AOPEP: variants seen among roughly 807,000 people sequenced by gnomAD.
AOPEP encodes aminopeptidase O.
A neutral mutation model predicts 98.1 loss-of-function variants in AOPEP; 77 were observed. The ratio of observed to expected loss-of-function variants is 0.78; its 90% confidence interval spans 0.65 to 0.95. The LOEUF (loss-of-function observed/expected upper bound fraction) is 0.95, where lower values mean the gene tolerates loss of function less well. Among genes scored for constraint, AOPEP ranks in the 40% least tolerant of loss-of-function variants. AOPEP has a pLI of 0.00. For synonymous variants in AOPEP, 346 were observed against 365.3 expected (o/e 0.95, Z 0.60); for missense variants, 1,024 against 1,024.7 (o/e 1.00, Z 0.01).
chr9:94,979,410 A>G lies in AOPEP; in HGVS notation c.1960A>G (p.Ser654Gly). 2 of 1,600,264 alleles carry G rather than the reference A, an allele frequency of 1.2e-6. No individual in the cohort carries two copies. Among genetic ancestry groups the G allele is most frequent in the East Asian group, 4.5e-5 (2 of 44,786 alleles). The change falls in exon 11 of 17, where the codon AGT (serine) becomes GGT (glycine). Residue 654 changes from serine to glycine, a missense_variant. Physicochemically the swap from Ser to Gly is moderately conservative, Grantham distance 56. Around this residue, in one of 3 missense-constraint regions of AOPEP, gnomAD observed 566 missense variants for 551.7 expected, o/e 1.03. Transcript: ENST00000375315. ...AAACATCTACCAAGACTGGCTTGAG[A>G]GTTCCGGAATACCAAAGGTAACTCA... is the stretch of plus-strand genomic sequence containing the variant. ...VENIYQDWLE[S>G]SGIPKPLQRE...
At chr9:95,101,840 G>C in the AOPEP span, 56 of 1,614,014 alleles carry the variant, frequency 3.5e-5, no homozygotes, top group Non-Finnish European at 4.0e-5. Context: ...TATCTCAGCA[G>C]TGTGAGCCAT....
chr9:94,793,965 C>T (rs920062433), intron 4 of AOPEP, among the ~76,000 whole-genome samples: 4 of 152,268 alleles, frequency 2.6e-5, no homozygotes, highest in South Asian at 2.1e-4. Context: ...CTGCTGTTAG[C>T]GGTGCACTGT....
the AOPEP span, among the ~76,000 whole-genome samples, chr9:95,128,492 C>T: frequency 6.6e-6 from 1 of 152,172 alleles, no homozygotes; most frequent in Non-Finnish European, 1.5e-5. Flanking sequence ...AGGTTTGATG[C>T]TAGTAGAGAA....
At chr9:94,845,740 G>A (rs568003127) in intron 5 of AOPEP, among the ~76,000 whole-genome samples, 1 of 152,226 alleles carries the variant, frequency 6.6e-6, no homozygotes, top group African/African-American at 2.4e-5. Context: ...CATTTGTTGA[G>A]GGAGGGCTGG....
At chr9:94,982,647 C>T (rs565638729) in intron 11 of AOPEP, among the ~76,000 whole-genome samples, 137 of 148,546 alleles carry the variant, frequency 9.2e-4, no homozygotes, top group South Asian at 1.5e-3. Flanking sequence ...TGGCTCACTG[C>T]AGCCTACACC....
chr9:94,859,026 T>TAAAAAAAA (rs1564273194), intron 5 of AOPEP, among the ~76,000 whole-genome samples: 1 of 6,934 alleles, frequency 1.4e-4, no homozygotes. Context: ...AGACTCCATT[T>TAAAAAAAA]CAAAAAAAAA....
the AOPEP span, chr9:95,100,998 A>C: frequency 3.4e-5 from 8 of 233,494 alleles, no homozygotes; most frequent in South Asian, 1.4e-3. Flanking sequence ...TAACTGAATT[A>C]ATCCTGCCTT....
intron 11 of AOPEP, among the ~76,000 whole-genome samples, chr9:94,987,704 G>T (rs181765714): frequency 6.6e-6 from 1 of 152,186 alleles, no homozygotes; most frequent in Non-Finnish European, 1.5e-5. Flanking sequence ...CTGGGTGAAC[G>T]CATTTTGATT....
the AOPEP span, chr9:95,114,705 G>A: frequency 6.2e-7 from 1 of 1,614,096 alleles, no homozygotes; most frequent in Non-Finnish European, 8.5e-7. Context: ...TGTCCCCGAG[G>A]GATATCTGCG....
intron 16 of AOPEP, among the ~76,000 whole-genome samples, chr9:95,083,392 C>G (rs1158351984): frequency 6.7e-6 from 1 of 149,094 alleles, no homozygotes; most frequent in East Asian, 2.2e-4. Flanking sequence ...ACACACAGCA[C>G]ACACAGCGCA....
intron 5 of AOPEP, among the ~76,000 whole-genome samples, chr9:94,877,433 T>C (rs1462151358): frequency 6.6e-6 from 1 of 151,538 alleles, no homozygotes; most frequent in Non-Finnish European, 1.5e-5. Flanking sequence ...TTTTCTTTTT[T>C]TTTTTTTTTG....
intron 3 of AOPEP, among the ~76,000 whole-genome samples, chr9:94,790,235 C>T (rs1845403840): frequency 2.0e-5 from 3 of 151,702 alleles, no homozygotes; most frequent in East Asian, 1.9e-4. Flanking sequence ...TGTGCGATCT[C>T]GGCTCACTGC....
chr9:94,915,961 T>C (rs571224560), intron 5 of AOPEP, among the ~76,000 whole-genome samples: 3 of 152,318 alleles, frequency 2.0e-5, no homozygotes, highest in East Asian at 3.9e-4. Context: ...CACCAAACTG[T>C]CCTTGCTGAG....
At chr9:95,043,251 T>TATATATATACATATATATACAG (rs373944079) in intron 13 of AOPEP, among the ~76,000 whole-genome samples, 111,538 of 147,476 alleles carry the variant, frequency 0.76, 44,492 homozygotes, top group Non-Finnish European at 0.89. Flanking sequence ...TATATACAGA[T>TATATATATACATATATATACAG]ATATATATAC....
At chr9:94,774,058 A>C (rs1841503391) in intron 3 of AOPEP, among the ~76,000 whole-genome samples, 2 of 152,178 alleles carry the variant, frequency 1.3e-5, no homozygotes, top group African/African-American at 4.8e-5. Flanking sequence ...CTGGCCAGGA[A>C]ACATTTTTAT....
intron 13 of AOPEP, among the ~76,000 whole-genome samples, chr9:95,036,318 A>G (rs1344081514): frequency 6.6e-6 from 1 of 152,230 alleles, no homozygotes; most frequent in Non-Finnish European, 1.5e-5. Context: ...TCTTTAAGTT[A>G]TAATTCATGA....
chr9:95,133,851 C>A, the AOPEP span, among the ~76,000 whole-genome samples: 243 of 152,270 alleles, frequency 1.6e-3, no homozygotes, highest in African/African-American at 5.5e-3. Context: ...CTTGAATCAC[C>A]AGGAATGGGC....
chr9:94,836,114 G>A (rs2041571557), intron 5 of AOPEP, among the ~76,000 whole-genome samples: 1 of 151,950 alleles, frequency 6.6e-6, no homozygotes, highest in African/African-American at 2.4e-5. Flanking sequence ...GTATACACGT[G>A]TACAAGCACA....
At chr9:95,033,878 A>G (rs993262398) in intron 13 of AOPEP, among the ~76,000 whole-genome samples, 2 of 152,202 alleles carry the variant, frequency 1.3e-5, no homozygotes, top group African/African-American at 4.8e-5. Context: ...AACATCCCCA[A>G]TTTCATTTGT....
Sources: allele counts gnomAD v4.1 joint callset (sites outside exome capture counted in the v4.1 genomes callset), GRCh38; gene constraint gnomAD v4.1.1; regional missense constraint gnomAD v4.1.1; transcripts MANE v1.5; gene names NCBI Gene and HGNC (gene_info 2026-07-23, HGNC 2026-07-21).